The following C14orf93 variants were observed in gnomAD, a reference collection of about 807,000 sequenced individuals.
C14orf93 encodes uncharacterized protein C14orf93.
Under a neutral mutation model 44.0 loss-of-function variants are expected in C14orf93, and 23 were observed. That is an observed-to-expected ratio of 0.52 (90% CI 0.38 to 0.74). C14orf93 has a LOEUF of 0.74. Among genes scored for constraint, C14orf93 ranks in the 30% least tolerant of loss-of-function variants. C14orf93 has a pLI of 0.00. For synonymous variants in C14orf93, 253 were observed against 265.7 expected, an observed-to-expected ratio of 0.95 and a Z score of 0.46; for missense variants, 579 against 678.9, an observed-to-expected ratio of 0.85 and a Z score of 1.64.
At position 22,987,648 on chromosome 14, in the gene C14orf93, C is replaced by A; in HGVS notation, c.1198-14G>T. 3 of 1,563,664 alleles carry A rather than the reference C, an allele frequency of 1.9e-6. No homozygotes were observed. Among genetic ancestry groups the A allele is most frequent in the Non-Finnish European group, 2.6e-6 (3 of 1,156,886 alleles). ...GTTGGCAAAAAGCTAAGGCAGGAAC[C>A]CAGGAGATAGATTAGGAAGGTAAAC... On this transcript the variant is annotated splice_polypyrimidine_tract_variant and intron_variant, in intron 6 of 6. Transcript: ENST00000299088. This position sits in a 1 kb window ranked among gnomAD's most constrained non-coding sequence, Gnocchi z 5.6.
intron 1 of C14orf93, among the ~76,000 whole-genome samples, chr14:23,007,646 C>G (rs570266895): frequency 6.6e-6 from 1 of 152,150 alleles, no homozygotes; most frequent in Admixed American, 6.5e-5. Context: ...GGAATTCTCT[C>G]CTTTCTTAGG....
rs1278908907 is a variant in C14orf93, at chr14:22,991,110, G to A, written c.919-983C>T. ...TGGGATTACAGGTGTAAGCCACTGC[G>A]CCCGGCCCCTACTCTTGCACATTTA... On this transcript the variant is annotated intron_variant, in intron 3 of 6. Coordinates refer to ENST00000299088, the MANE Select transcript of C14orf93 (RefSeq NM_021944.4). 2.7e-5 allele frequency among the ~76,000 whole-genome samples: 4 copies of A among 150,458 alleles called. 1 individual carries two copies. Among genetic ancestry groups the A allele is most frequent in the African/African-American group, 7.3e-5 (3 of 40,976 alleles).
intron 3 of C14orf93, among the ~76,000 whole-genome samples, chr14:22,992,944 GTC>G (rs1223529877): frequency 6.6e-6 from 1 of 151,718 alleles, no homozygotes; most frequent in African/African-American, 2.4e-5. Flanking sequence ...CAGTGGTGTG[GTC>G]TCAGCTCACT....
intron 1 of C14orf93, among the ~76,000 whole-genome samples, chr14:23,003,873 TATATATATATATATATATA>T (rs2046441202): frequency 7.1e-5 from 1 of 14,068 alleles, no homozygotes; most frequent in Non-Finnish European, 1.3e-4. Flanking sequence ...TATATATATA[TATATATATATATATATATA>T]TATATATTTT....
In C14orf93 at chr14:22,998,836, T is replaced by C. The variant is rs2046150721; in HGVS notation, c.188A>G (p.His63Arg). The change falls in exon 2 of 7, where the codon CAT (histidine) becomes CGT (arginine). Residue 63 changes from histidine to arginine, a missense_variant. By Grantham distance (29) the His-to-Arg change is conservative. Transcript: ENST00000299088. ...LAVQSSEQLL[H>R]VIYQRVDKAV... ...CTTATCGACCCGCTGGTAGATAACATGCAGGAGCTGCTCTGAGCTCTGAAC... is the reference window on the plus strand; with the variant it reads ...CTTATCGACCCGCTGGTAGATAACACGCAGGAGCTGCTCTGAGCTCTGAAC... 5.6e-6 allele frequency: 9 copies of C among 1,614,064 alleles called. No individual in the cohort carries two copies. The highest frequency in any genetic ancestry group is 5.9e-6 in the Non-Finnish European group (7 of 1,179,996).
chr14:22,994,328 C>G (rs1721406346), intron 3 of C14orf93, among the ~76,000 whole-genome samples: 1 of 151,934 alleles, frequency 6.6e-6, no homozygotes, highest in African/African-American at 2.4e-5. Context: ...GCGTGGCCAA[C>G]ATGGTGAAAC....
At chr14:22,994,852 T>TG (rs1172773522) in intron 3 of C14orf93, among the ~76,000 whole-genome samples, 3 of 152,288 alleles carry the variant, frequency 2.0e-5, no homozygotes, top group Admixed American at 1.3e-4. Flanking sequence ...TTCTTTGTTA[T>TG]GGGGGCTGTC....
chr14:22,989,675 C>T (rs765641338), intron 5 of C14orf93, 67 bp downstream of exon 5: 1 of 1,130,574 alleles, frequency 8.8e-7, no homozygotes, highest in Non-Finnish European at 1.3e-6. Flanking sequence ...TCTCCTCTGA[C>T]CAAGAAAGAG....
At chr14:22,989,963 TGAG>T (rs2045492495) in intron 4 of C14orf93, 100 bp downstream of exon 4, 2 of 1,413,962 alleles carry the variant, frequency 1.4e-6, no homozygotes, top group Non-Finnish European at 2.0e-6. Context: ...GAAGGTATGG[TGAG>T]ATCAAAGCCT....
chr14:22,992,264 G>A (rs554934683), intron 3 of C14orf93, among the ~76,000 whole-genome samples: 2 of 152,058 alleles, frequency 1.3e-5, no homozygotes, highest in South Asian at 2.1e-4. Context: ...TCAGGAGCTC[G>A]AGACCAGCCT....
intron 2 of C14orf93, among the ~76,000 whole-genome samples, chr14:22,997,133 G>A (rs1337475638): frequency 2.6e-5 from 4 of 152,088 alleles, no homozygotes; most frequent in Admixed American, 1.3e-4. Context: ...ACAGCTCAGG[G>A]CAATGCCTAG....
At position 22,995,994 on chromosome 14, in the gene C14orf93, C is replaced by T. The variant is rs2045949009; in HGVS notation, c.872G>A (p.Gly291Glu). Residue 291 changes from glycine (G) to glutamate (E), a missense_variant, in exon 3 of 7, where the codon GGA (glycine) becomes GAA (glutamate). Gly to Glu is a moderately conservative substitution (Grantham distance 98, BLOSUM62 -2). Coordinates refer to ENST00000299088, the MANE Select transcript of C14orf93 (RefSeq NM_021944.4). ...GCGCCTGGAGTTCTTCTGCCCACTT[C>T]CTCTGGTCCTGCATGGGGAAACGGT... ...GLTVSPCRTR[G>E]SGQKNSRRKR... 1.2e-6 allele frequency: 2 copies of T among 1,610,916 alleles called. No homozygotes were observed. The highest frequency in any genetic ancestry group is 1.7e-6 in the Non-Finnish European group (2 of 1,177,938).
rs1285335952 is a variant in C14orf93, at chr14:22,990,094, T to C, written c.952A>G (p.Asn318Asp). The C allele has an allele frequency of 6.2e-7, 1 of 1,613,762 alleles. No individual in the cohort carries two copies. The highest frequency in any genetic ancestry group is 8.5e-7 in the Non-Finnish European group (1 of 1,179,740). Residue 318 changes from asparagine (N) to aspartate (D), a missense_variant, in exon 4 of 7, where the codon AAT becomes GAT. Coordinates refer to ENST00000299088, the MANE Select transcript of C14orf93 (RefSeq NM_021944.4). ...LVHNVHNHITNDKRFNGSESI... is the reference protein window; with the variant it reads ...LVHNVHNHITDDKRFNGSESI... Reference sequence around the variant, plus strand: ...TCAGACCCATTGAATCTCTTGTCATTGGTGATGTGGTTATGCACATTGTGG... The same window carrying C: ...TCAGACCCATTGAATCTCTTGTCATCGGTGATGTGGTTATGCACATTGTGG...
Position 22,988,008 on chromosome 14 carries a change from A to G in C14orf93, c.1092T>C (p.Cys364=). The part of the protein sequence containing the change: ...NYTDKELKGA[C]VAYFLTKRRE... ...GCCTCTTAGTAAGGAAGTAGGCCAC[A>G]CAGGCTCCTGGCGGGGAGGGAAGGA... Residue 364 remains cysteine (C), a synonymous_variant, in exon 6 of 7, where the codon TGT becomes TGC. Transcript: ENST00000299088. 2 of 1,611,564 alleles carry G rather than the reference A, an allele frequency of 1.2e-6. No individual in the cohort carries two copies. Among genetic ancestry groups the G allele is most frequent in the Non-Finnish European group, 1.7e-6 (2 of 1,178,082 alleles).
intron 2 of C14orf93, 90 bp downstream of exon 2, chr14:22,998,337 T>C (rs1389133961): frequency 2.8e-6 from 4 of 1,418,462 alleles, no homozygotes; most frequent in African/African-American, 1.4e-5. Context: ...AACAAAAGGT[T>C]TAAAGATGGA....
intron 2 of C14orf93, among the ~76,000 whole-genome samples, chr14:22,997,187 C>A (rs1238042047): frequency 6.6e-6 from 1 of 152,194 alleles, no homozygotes; most frequent in Non-Finnish European, 1.5e-5. Flanking sequence ...CTCCCTTGAG[C>A]TGGAACCACG....
At position 22,996,968 on chromosome 14, in the gene C14orf93, GACACACACGCACACGCACACACACAC is replaced by G. The variant is rs2046008777; in HGVS notation, c.598-726_598-701del. On this transcript the variant is annotated intron_variant, in intron 2 of 6. Transcript: ENST00000299088. This position sits in a 1 kb window ranked among gnomAD's most constrained non-coding sequence, Gnocchi z 4.1. The stretch of plus-strand genomic sequence containing the variant: ...AAGAAAACAAAATACTGAAAGTGGG[GACACACACGCACACGCACACACACAC>G]ACACACACACACACACAGAAAGATG... Among the ~76,000 whole-genome samples, 1 of 137,560 alleles carries G rather than the reference GACACACACGCACACGCACACACACAC, an allele frequency of 7.3e-6. No individual in the cohort carries two copies. Among genetic ancestry groups the G allele is most frequent in the African/African-American group, 3.1e-5 (1 of 32,262 alleles). The allele number at this position is 137,560 out of a possible 152,430, so 90.2% of individuals were successfully genotyped here.
intron 1 of C14orf93, among the ~76,000 whole-genome samples, chr14:23,004,397 A>G (rs1423438648): frequency 6.6e-6 from 1 of 151,572 alleles, no homozygotes; most frequent in Non-Finnish European, 1.5e-5. Flanking sequence ...ACCTCAAGTG[A>G]TCCGCCCACC....
At position 23,010,128 on chromosome 14, in the gene C14orf93, G is replaced by C. The variant is rs1011304261; in HGVS notation, c.-407C>G. 4.6e-5 allele frequency: 7 copies of C among 152,016 alleles called. No individual in the cohort carries two copies. The highest frequency in any genetic ancestry group is 1.0e-4 in the Non-Finnish European group (7 of 67,986). 9.4% of individuals were successfully genotyped at this position (152,016 alleles called of 1,614,324 possible). ...GAAGGTCGTATGGCTCTTTGTATTC[G>C]TGTGTGTGCAAAAAGGAGGACTCGC... On this transcript the variant is annotated 5_prime_UTR_variant, in exon 1 of 7. Coordinates refer to ENST00000299088, the MANE Select transcript of C14orf93 (RefSeq NM_021944.4).
Sources: gnomAD v4.1 joint callset for allele counts (sites outside exome capture counted in the v4.1 genomes callset) on GRCh38, gnomAD v4.1.1 for gene constraint, Gnocchi (gnomAD v3.1) non-coding constraint, MANE v1.5 for transcripts, NCBI Gene and HGNC (gene_info 2026-07-23, HGNC 2026-07-21) for gene names.